The following SLC17A6 variants were observed in gnomAD, a reference collection of about 807,000 sequenced individuals.
SLC17A6 encodes solute carrier family 17 member 6, also known as vesicular glutamate transporter 2.
Under a neutral mutation model 67.1 loss-of-function variants are expected in SLC17A6, and 35 were observed. The ratio of observed to expected loss-of-function variants is 0.52; its 90% confidence interval spans 0.40 to 0.69. SLC17A6 has a LOEUF of 0.69. Ranked by LOEUF, SLC17A6 falls within the 30% of genes least tolerant of loss-of-function variation. The probability of loss-of-function intolerance (pLI) is 0.00; values close to 1 mark genes in which losing one functional copy is unlikely to be tolerated. For missense variants in SLC17A6, 588 were observed against 723.9 expected (o/e 0.81, Z 2.15); for synonymous variants, 285 against 252.3 (o/e 1.13, Z -1.23).
intron 5 of SLC17A6, chr11:22,362,192 T>C (rs1856060053): frequency 2.5e-6 from 1 of 401,344 alleles, no homozygotes; most frequent in Non-Finnish European, 4.9e-6. Flanking sequence ...AAATTTGCCA[T>C]AGGGGAAAAA....
intron 5 of SLC17A6, 144 bp from the exon 6 acceptor site, chr11:22,362,595 G>C: frequency 1.5e-6 from 1 of 657,182 alleles, no homozygotes; most frequent in South Asian, 1.7e-5. Context: ...ATATGTGTTT[G>C]GTGATGGAGG....
rs546381751 is a variant in SLC17A6, at chr11:22,357,159, G to C, written c.459-2254G>C. Among the ~76,000 whole-genome samples the C allele has an allele frequency of 2.3e-4, 35 of 152,248 alleles. No homozygotes were observed. The South Asian group carries it at 7.0e-3, about 31-fold the overall frequency. On this transcript the variant is annotated intron_variant, in intron 3 of 11. Transcript: ENST00000263160. ...TAAAACTGGTTAAGCACCTGAACTA[G>C]TGATTTTACTTATCTTAGGTTTAGT...
chr11:22,354,040 A>C (rs958785935), intron 3 of SLC17A6, among the ~76,000 whole-genome samples: 4 of 152,120 alleles, frequency 2.6e-5, no homozygotes, highest in Non-Finnish European at 5.9e-5. Context: ...TATATCATGC[A>C]TGTGAAAGTC....
At chr11:22,361,684 G>A (rs1365429969) in intron 5 of SLC17A6, among the ~76,000 whole-genome samples, 1 of 152,132 alleles carries the variant, frequency 6.6e-6, no homozygotes. Flanking sequence ...AGCTTTTGAA[G>A]TGTAGAGCTC....
chr11:22,342,946 C>T (rs1276869916), intron 2 of SLC17A6: 1 of 507,896 alleles, frequency 2.0e-6, no homozygotes, highest in African/African-American at 1.9e-5. Context: ...GTCCGAATTT[C>T]CAAGACGGGG....
At position 22,378,883 on chromosome 11, in the gene SLC17A6, A is replaced by G. The variant is rs1856264618; in HGVS notation, c.*1143A>G. ...GTATATCTTATACATGTCCATACAC[A>G]GAAACATAATAAACAATCTTCACAC... On this transcript the variant is annotated 3_prime_UTR_variant, in exon 12 of 12. Transcript: ENST00000263160. 6.6e-6 allele frequency: 1 copy of G among 152,176 alleles called. No homozygotes were observed. Among genetic ancestry groups the G allele is most frequent in the Non-Finnish European group, 1.5e-5 (1 of 67,986 alleles). 9.4% of individuals were successfully genotyped at this position (152,176 alleles called of 1,614,324 possible).
rs200535807 is a variant in SLC17A6, at chr11:22,358,314, GTGTTTGTT to G, written c.459-1077_459-1070del. 2.6e-3 allele frequency among the ~76,000 whole-genome samples: 392 copies of G among 152,102 alleles called. 1 individual carries two copies. The highest frequency in any genetic ancestry group is 0.014 in the Middle Eastern group (4 of 294). On this transcript the variant is annotated intron_variant, in intron 3 of 11. Coordinates refer to ENST00000263160, the MANE Select transcript of SLC17A6 (RefSeq NM_020346.3). ...CTTACTTGGTATAAACATTATAGAA[GTGTTTGTT>G]TGTTTGTTTGTTTGTTTGTTTTTTG...
intron 7 of SLC17A6, among the ~76,000 whole-genome samples, chr11:22,365,998 G>A (rs953583387): frequency 6.6e-6 from 1 of 151,264 alleles, no homozygotes; most frequent in Admixed American, 6.6e-5. Flanking sequence ...ACAATAAATA[G>A]TTGTTCATTT....
chr11:22,374,941 A>C, intron 9 of SLC17A6, 54 bp downstream of exon 9: 1 of 1,486,630 alleles, frequency 6.7e-7, no homozygotes, highest in Non-Finnish European at 9.0e-7. Context: ...AGTTTAACCT[A>C]CATGAGAGAA....
chr11:22,371,193 A>G (rs1263171739), intron 8 of SLC17A6, among the ~76,000 whole-genome samples: 1 of 152,074 alleles, frequency 6.6e-6, no homozygotes. Context: ...GCTCAATGCC[A>G]TCTCTGTGCC....
At chr11:22,341,317 C>T (rs1855812713) in intron 1 of SLC17A6, among the ~76,000 whole-genome samples, 1 of 151,512 alleles carries the variant, frequency 6.6e-6, no homozygotes, top group Non-Finnish European at 1.5e-5. Flanking sequence ...GTTGAAGAGA[C>T]GCCGCCGCCG....
At chr11:22,365,803 ACTT>A in intron 7 of SLC17A6, 114 bp downstream of exon 7, 1 of 1,138,912 alleles carries the variant, frequency 8.8e-7, no homozygotes, top group Admixed American at 2.6e-5. Context: ...ATCAATCATA[ACTT>A]CTTTTATTTT....
chr11:22,379,369 T>C lies in SLC17A6; in HGVS notation c.*1629T>C, dbSNP rs930268813. On this transcript the variant is annotated 3_prime_UTR_variant, in exon 12 of 12. Coordinates refer to ENST00000263160, the MANE Select transcript of SLC17A6 (RefSeq NM_020346.3). ...ATTCTTTACCTTAAGAAAAAAAAAA[T>C]ACCCTTTGCTTTGTGCCTCAAAGTG... 6.6e-6 allele frequency: 1 copy of C among 152,268 alleles called. No homozygotes were observed. Among genetic ancestry groups the C allele is most frequent in the African/African-American group, 2.4e-5 (1 of 41,340 alleles). The allele number at this position is 152,268 out of a possible 1,614,324, so 9.4% of individuals were successfully genotyped here. A position where few individuals can be genotyped will look rare whatever the true frequency, so the allele number is the denominator to read the frequency against.
chr11:22,361,151 T>G, intron 5 of SLC17A6, 167 bp downstream of exon 5: 1 of 536,628 alleles, frequency 1.9e-6, no homozygotes, highest in Non-Finnish European at 3.3e-6. Flanking sequence ...GTTTTATTGT[T>G]TTGCTTAAAT....
intron 7 of SLC17A6, 65 bp from the exon 8 acceptor site, chr11:22,369,974 A>G (rs1216286939): frequency 6.7e-7 from 1 of 1,501,438 alleles, no homozygotes; most frequent in Non-Finnish European, 9.1e-7. Context: ...CAAAGCACCT[A>G]TTATTCCCAC....
At chr11:22,341,824 C>T (rs771763828) in intron 2 of SLC17A6, 44 bp downstream of exon 2, 4 of 1,600,100 alleles carry the variant, frequency 2.5e-6, no homozygotes, top group East Asian at 2.2e-5. Flanking sequence ...TTCGGCCATG[C>T]GGCCTCGCAA....
intron 1 of SLC17A6, among the ~76,000 whole-genome samples, chr11:22,339,921 C>T (rs1855794903): frequency 6.6e-6 from 1 of 151,306 alleles, no homozygotes; most frequent in Admixed American, 6.6e-5. Flanking sequence ...AAAAAAAAAC[C>T]GCATTGGCTG....
chr11:22,342,563 C>G (rs954414529), intron 2 of SLC17A6, among the ~76,000 whole-genome samples: 2 of 152,098 alleles, frequency 1.3e-5, no homozygotes, highest in Admixed American at 1.3e-4. Flanking sequence ...CCCCAGTTTA[C>G]CTTGAGGTTC....
chr11:22,357,437 C>G (rs1476310777), intron 3 of SLC17A6, among the ~76,000 whole-genome samples: 2 of 152,162 alleles, frequency 1.3e-5, no homozygotes, highest in Non-Finnish European at 2.9e-5. Flanking sequence ...TTACTGAAGA[C>G]ATTTTTGGTT....
Sources: allele counts gnomAD v4.1 joint callset (sites outside exome capture counted in the v4.1 genomes callset), GRCh38; gene constraint gnomAD v4.1.1; transcripts MANE v1.5; gene names NCBI Gene and HGNC (gene_info 2026-07-23, HGNC 2026-07-21).